Variants in NUMB observed in about 807,000 individuals in gnomAD.
NUMB encodes protein numb homolog.
A neutral mutation model predicts 59.7 loss-of-function variants in NUMB; 29 were observed. The ratio of observed to expected loss-of-function variants is 0.49; its 90% CI spans 0.36 to 0.66. NUMB has a LOEUF of 0.66. Ranked by LOEUF, NUMB falls within the 30% of genes least tolerant of loss-of-function variation. The probability of loss-of-function intolerance (pLI) is 0.00; values close to 1 mark genes in which losing one functional copy is unlikely to be tolerated. For missense variants in NUMB, 723 were observed against 822.0 expected, an observed-to-expected ratio of 0.88 and a Z score of 1.47; for synonymous variants, 288 against 288.2, an observed-to-expected ratio of 1.00 and a Z score of 0.01.
At chr14:73,438,652 G>T (rs938369046) in intron 1 of NUMB, among the ~76,000 whole-genome samples, 30 of 134,380 alleles carry the variant, frequency 2.2e-4, no homozygotes, top group African/African-American at 6.9e-4. Flanking sequence ...AAAAAAAAAA[G>T]TTTTCAAATA....
intron 1 of NUMB, among the ~76,000 whole-genome samples, chr14:73,440,724 G>A (rs568572715): frequency 1.3e-5 from 2 of 150,058 alleles, no homozygotes; most frequent in African/African-American, 2.5e-5. Context: ...CCAGCTACTC[G>A]AGAGGCTGAG....
intron 1 of NUMB, among the ~76,000 whole-genome samples, chr14:73,439,375 G>A (rs956224588): frequency 1.3e-5 from 2 of 152,068 alleles, no homozygotes; most frequent in Admixed American, 6.6e-5. Context: ...AAAACAGGGG[G>A]AAAAAGACCC....
chr14:73,418,754 A>C (rs774074231), intron 1 of NUMB, among the ~76,000 whole-genome samples: 10 of 151,910 alleles, frequency 6.6e-5, no homozygotes, highest in Non-Finnish European at 1.2e-4. Context: ...CTGGACAACA[A>C]GAGCAAAACT....
In NUMB at chr14:73,292,888, C is replaced by T. The variant is rs774322036; in HGVS notation, c.310-14G>A. On this transcript the variant is annotated splice_polypyrimidine_tract_variant and intron_variant, in intron 7 of 12. Coordinates refer to ENST00000555238, the MANE Select transcript of NUMB (RefSeq NM_001005743.2). ...AACTATGAGGTCCTAGAAAATACGA[C>T]ACACAAAGAAAGAGAAGACTTATGA... 6 of 1,613,380 alleles carry T rather than the reference C, an allele frequency of 3.7e-6. No individual in the cohort carries two copies. The Admixed American group carries it at 8.4e-5, about 22-fold the overall frequency.
chr14:73,297,167 C>G, intron 7 of NUMB, 44 bp downstream of exon 7: 1 of 1,358,980 alleles, frequency 7.4e-7, no homozygotes, highest in South Asian at 1.2e-5. Flanking sequence ...AACTCCATCT[C>G]CAAAAAAAAT....
chr14:73,374,279 T>G (rs1310763534), intron 2 of NUMB, among the ~76,000 whole-genome samples: 1 of 152,112 alleles, frequency 6.6e-6, no homozygotes, highest in African/African-American at 2.4e-5. Context: ...CTTGGCCTTT[T>G]TAAAGCACTG....
chr14:73,427,379 C>T (rs1014955582), intron 1 of NUMB, among the ~76,000 whole-genome samples: 2 of 151,808 alleles, frequency 1.3e-5, no homozygotes, highest in African/African-American at 4.8e-5. Flanking sequence ...GCAGAAGAAT[C>T]GCTTGAACCT....
At chr14:73,436,340 G>A (rs533723880) in intron 1 of NUMB, among the ~76,000 whole-genome samples, 11 of 151,942 alleles carry the variant, frequency 7.2e-5, no homozygotes, top group East Asian at 3.9e-4. Flanking sequence ...TTTTGTTGAC[G>A]GAGTCCCACT....
chr14:73,350,402 A>AAC (rs1893179954), intron 4 of NUMB, among the ~76,000 whole-genome samples: 1 of 145,042 alleles, frequency 6.9e-6, no homozygotes, highest in African/African-American at 2.5e-5. Flanking sequence ...CGAACTCCTT[A>AAC]CCTCAAATGA....
intron 1 of NUMB, among the ~76,000 whole-genome samples, chr14:73,443,064 G>C (rs907411728): frequency 1.3e-5 from 2 of 152,032 alleles, no homozygotes; most frequent in Admixed American, 1.3e-4. Context: ...GTTTCACCAT[G>C]ATGACCAGAC....
chr14:73,376,522 T>A (rs2140067653), intron 2 of NUMB, among the ~76,000 whole-genome samples: 1 of 137,266 alleles, frequency 7.3e-6, no homozygotes, highest in African/African-American at 3.1e-5. Context: ...ATTCTAAAGT[T>A]TATATGGAAA....
At chr14:73,357,687 C>T (rs534100354) in intron 3 of NUMB, among the ~76,000 whole-genome samples, 3 of 151,964 alleles carry the variant, frequency 2.0e-5, no homozygotes, top group South Asian at 4.2e-4. Flanking sequence ...CGCTTGAACC[C>T]GGGAGGCGGA....
At chr14:73,404,748 G>A (rs768417739) in intron 2 of NUMB, among the ~76,000 whole-genome samples, 1 of 151,796 alleles carries the variant, frequency 6.6e-6, no homozygotes, top group Non-Finnish European at 1.5e-5. Context: ...ATACCTTTCT[G>A]TGAATCTAAA....
At chr14:73,319,631 T>C (rs1194519792) in intron 5 of NUMB, among the ~76,000 whole-genome samples, 2 of 152,084 alleles carry the variant, frequency 1.3e-5, no homozygotes, top group Non-Finnish European at 1.5e-5. Context: ...TCTGGCAAAG[T>C]AGGTTGTAGA....
Position 73,340,210 on chromosome 14 carries a change from G to A in NUMB, c.126+15416C>T, listed in dbSNP as rs1231723774. On this transcript the variant is annotated intron_variant, in intron 4 of 12. Transcript: ENST00000555238. ...TCCTTGCTGCCTCCTATGTGTAAAC[G>A]AGCTTTCCAACCTTGAGAATAGTAG... is the stretch of plus-strand genomic sequence containing the variant. 2.6e-5 allele frequency among the ~76,000 whole-genome samples: 4 copies of A among 152,156 alleles called. No homozygotes were observed. The East Asian group carries it at 5.8e-4, about 22-fold the overall frequency.
chr14:73,369,692 G>A (rs1305945663), intron 2 of NUMB, among the ~76,000 whole-genome samples: 2 of 152,136 alleles, frequency 1.3e-5, no homozygotes, highest in African/African-American at 2.4e-5. Flanking sequence ...AGTGTCCTTA[G>A]TAACAGATTT....
chr14:73,427,900 G>C (rs776155159), intron 1 of NUMB, among the ~76,000 whole-genome samples: 2 of 152,078 alleles, frequency 1.3e-5, no homozygotes, highest in African/African-American at 2.4e-5. Flanking sequence ...ATGCGATAAA[G>C]TTACAAAAAC....
intron 1 of NUMB, among the ~76,000 whole-genome samples, chr14:73,422,280 T>A (rs1897382803): frequency 6.6e-6 from 1 of 152,158 alleles, no homozygotes; most frequent in Non-Finnish European, 1.5e-5. Context: ...ACTGGACTCA[T>A]CCTCCTCTAA....
chr14:73,289,454 A>C (rs1889240983), intron 8 of NUMB, among the ~76,000 whole-genome samples: 3 of 152,326 alleles, frequency 2.0e-5, no homozygotes, highest in South Asian at 2.1e-4. Flanking sequence ...AATTGTTGGC[A>C]TCATTCACAG....
Sources: allele counts gnomAD v4.1 joint callset (sites outside exome capture counted in the v4.1 genomes callset), GRCh38; gene constraint gnomAD v4.1.1; transcripts MANE v1.5; gene names NCBI Gene and HGNC (gene_info 2026-07-23, HGNC 2026-07-21).